Variants in LPA observed in about 807,000 individuals in gnomAD.
LPA encodes apolipoprotein(a).
LPA carries 199 observed loss-of-function variants against 197.9 expected under a neutral mutation model. The observed-to-expected ratio is 1.01, with a 90% confidence interval of 0.90 to 1.13. The LOEUF (loss-of-function observed/expected upper bound fraction) is 1.13. Among genes scored for constraint, LPA ranks in the 50% most tolerant of loss-of-function variants. The probability of loss-of-function intolerance (pLI) is 0.00; values close to 1 mark genes in which losing one functional copy is unlikely to be tolerated. For synonymous variants in LPA, 715 were observed against 639.5 expected, an observed-to-expected ratio of 1.12 and a Z score of -1.78; for missense variants, 1,853 against 1,785.8, an observed-to-expected ratio of 1.04 and a Z score of -0.68.
intron 27 of LPA, among the ~76,000 whole-genome samples, chr6:160,578,125 A>G (rs1212196521): frequency 1.3e-5 from 2 of 152,204 alleles, no homozygotes; most frequent in East Asian, 1.9e-4. Flanking sequence ...CATGTTCTTA[A>G]GAAACTGCAA....
At chr6:160,541,417 G>A (rs1777980203) in intron 34 of LPA, among the ~76,000 whole-genome samples, 1 of 152,222 alleles carries the variant, frequency 6.6e-6, no homozygotes, top group African/African-American at 2.4e-5. Context: ...AATAGGCACA[G>A]CCTGTCCCCA....
intron 14 of LPA, among the ~76,000 whole-genome samples, chr6:160,615,352 T>TGTGTGTGTGTGTGTG (rs1562346207): frequency 8.2e-6 from 1 of 122,232 alleles, no homozygotes; most frequent in South Asian, 2.7e-4. Flanking sequence ...TGTTTTCAGT[T>TGTGTGTGTGTGTGTG]TGTGTGTGTG....
intron 1 of LPA, among the ~76,000 whole-genome samples, chr6:160,662,185 T>A (rs1163459553): frequency 6.6e-6 from 1 of 152,234 alleles, no homozygotes; most frequent in Non-Finnish European, 1.5e-5. Flanking sequence ...AGGGTTTATT[T>A]GTTGGTGAAG....
intron 30 of LPA, among the ~76,000 whole-genome samples, chr6:160,551,227 TA>T (rs1317246493): frequency 3.9e-5 from 6 of 152,222 alleles, no homozygotes; most frequent in African/African-American, 1.4e-4. Context: ...TTCTTAATAA[TA>T]TCCATGTCCA....
chr6:160,584,728 T>A (rs1328711239), intron 26 of LPA, among the ~76,000 whole-genome samples: 1 of 152,190 alleles, frequency 6.6e-6, no homozygotes, highest in Non-Finnish European at 1.5e-5. Context: ...GTTGAAAGAC[T>A]GCATGGACCT....
intron 1 of LPA, 140 bp from the exon 2 acceptor site, chr6:160,650,637 C>CAAAA: frequency 1.4e-6 from 1 of 738,020 alleles, no homozygotes. Flanking sequence ...GACAGACGTG[C>CAAAA]AAAAAACCAA....
intron 36 of LPA, among the ~76,000 whole-genome samples, chr6:160,539,636 C>G (rs902225208): frequency 6.6e-6 from 1 of 152,102 alleles, no homozygotes. Context: ...TGATTAGAGG[C>G]GCCCACACTA....
intron 30 of LPA, among the ~76,000 whole-genome samples, chr6:160,555,467 A>G (rs866373113): frequency 6.9e-5 from 10 of 144,164 alleles, no homozygotes; most frequent in South Asian, 6.5e-4. Context: ...GTGTGTGTAT[A>G]TATATATGTA....
At position 160,597,609 on chromosome 6, in the gene LPA, C is replaced by A. The variant is rs560624619; in HGVS notation, c.3287+1891G>T. Among the ~76,000 whole-genome samples, 230 of 152,284 alleles carry A rather than the reference C, an allele frequency of 1.5e-3. 2 individuals carry two copies. The highest frequency in any genetic ancestry group is 3.7e-3 in the South Asian group (18 of 4,828). The stretch of plus-strand genomic sequence containing the variant: ...CAGTGAATTTTTCATTTAAGATATA[C>A]CTTTTAATAGTCCTTTAATTTGATT... On this transcript the variant is annotated intron_variant, in intron 20 of 38. Coordinates refer to ENST00000316300, the MANE Select transcript of LPA (RefSeq NM_005577.4).
chr6:160,654,008 TATATTATATATAA>T (rs1780067296), intron 1 of LPA, among the ~76,000 whole-genome samples: 1 of 8,656 alleles, frequency 1.2e-4, no homozygotes, highest in Non-Finnish European at 2.0e-4. Context: ...ATATATAATA[TATATTATATATAA>T]TATATAATAT....
intron 30 of LPA, among the ~76,000 whole-genome samples, chr6:160,552,299 G>A (rs886680181): frequency 6.6e-6 from 1 of 152,066 alleles, no homozygotes; most frequent in African/African-American, 2.4e-5. Context: ...AAAAAGGACT[G>A]TTGCAATAGT....
intron 28 of LPA, 148 bp from the exon 29 acceptor site, chr6:160,557,719 A>G: frequency 4.8e-6 from 3 of 630,068 alleles, no homozygotes; most frequent in Non-Finnish European, 8.4e-6. Context: ...AAAAGCAAAA[A>G]CGGTCCTCAA....
At chr6:160,580,514 T>C (rs537067932) in intron 26 of LPA, among the ~76,000 whole-genome samples, 1 of 152,306 alleles carries the variant, frequency 6.6e-6, no homozygotes, top group Admixed American at 6.5e-5. Flanking sequence ...TTGTATGATT[T>C]TGAACTTCCA....
intron 37 of LPA, among the ~76,000 whole-genome samples, chr6:160,534,343 C>G (rs1777852559): frequency 6.6e-6 from 1 of 152,178 alleles, no homozygotes; most frequent in African/African-American, 2.4e-5. Context: ...CCAGGAGTTG[C>G]TGGGAAATTA....
chr6:160,649,348 G>A (rs1390633765), intron 2 of LPA, among the ~76,000 whole-genome samples: 1 of 152,106 alleles, frequency 6.6e-6, no homozygotes, highest in African/African-American at 2.4e-5. Context: ...ACTTTCTTGT[G>A]GATCTATTTT....
Position 160,595,492 on chromosome 6 carries a change from G to T in LPA, c.3331C>A (p.Arg1111Ser), listed in dbSNP as rs202097627. The T allele has an allele frequency of 4.3e-6, 7 of 1,613,928 alleles. No individual in the cohort carries two copies. In the East Asian group the frequency reaches 1.1e-4, roughly 26 times the overall value. Residue 1111 changes from arginine (R) to serine (S), a missense_variant, in exon 21 of 39, where the codon CGC becomes AGC. Physicochemically the swap from Arg to Ser is moderately radical, Grantham distance 110. Coordinates refer to ENST00000316300, the MANE Select transcript of LPA (RefSeq NM_005577.4). Reference protein sequence around the residue: ...NYCRNPDAEIRPWCYTMDPSV... With the variant: ...NYCRNPDAEISPWCYTMDPSV... ...GGATCCATGGTGTAACACCAAGGGC[G>T]AATCTCAGCATCTGGATTCCTGCAG...
intron 30 of LPA, among the ~76,000 whole-genome samples, chr6:160,548,935 A>T (rs560318037): frequency 1.4e-4 from 22 of 152,218 alleles, no homozygotes; most frequent in Non-Finnish European, 2.9e-4. Flanking sequence ...CCCGAGACAG[A>T]CTGGGTAAGT....
chr6:160,663,450 C>G (rs571921245), intron 1 of LPA, among the ~76,000 whole-genome samples: 8 of 152,274 alleles, frequency 5.3e-5, no homozygotes, highest in African/African-American at 1.7e-4. Context: ...GATGACTATG[C>G]TACCCTACCT....
chr6:160,585,197 C>A lies in LPA; in HGVS notation c.4138G>T (p.Glu1380Ter), dbSNP rs1778886120. Residue 1380 changes from glutamate (E) to a stop codon, truncating the protein, a stop_gained, in exon 26 of 39, where the codon GAA becomes TAA. Transcript: ENST00000316300. LOFTEE classifies it high-confidence loss of function. ...TELPSEEAPT[E>*]NSTGVQDCYR... ...CAGTCCTGGACCCCAGTGCTGTTTT[C>A]AGTTGGTGCTGAAATTAAAAGAGAA... 6.2e-7 allele frequency: 1 copy of A among 1,613,686 alleles called. No homozygotes were observed. The highest frequency in any genetic ancestry group is 1.3e-5 in the African/African-American group (1 of 74,972).
Sources: allele counts gnomAD v4.1 joint callset (sites outside exome capture counted in the v4.1 genomes callset), GRCh38; gene constraint gnomAD v4.1.1; transcripts MANE v1.5; gene names NCBI Gene and HGNC (gene_info 2026-07-23, HGNC 2026-07-21).